ABLIM1: variants seen among roughly 807,000 people sequenced by gnomAD.
ABLIM1 encodes the protein actin binding LIM protein 1.
Under a neutral mutation model 107.0 loss-of-function variants are expected in ABLIM1, and 40 were observed. The ratio of observed to expected loss-of-function variants is 0.37; its 90% CI spans 0.29 to 0.49. ABLIM1 has a LOEUF of 0.49. Among genes scored for constraint, ABLIM1 ranks in the 20% least tolerant of loss-of-function variants. The pLI is 0.97. For synonymous variants in ABLIM1, 357 were observed against 357.3 expected, an observed-to-expected ratio of 1.00 and a Z score of 0.01; for missense variants, 857 against 1,008.5, an observed-to-expected ratio of 0.85 and a Z score of 2.04.
Position 114,463,110 on chromosome 10 carries a change from C to A in ABLIM1, c.1441+2588G>T, listed in dbSNP as rs574961882. On this transcript the variant is annotated intron_variant, in intron 12 of 22. Coordinates refer to ENST00000533213, the MANE Select transcript of ABLIM1 (RefSeq NM_002313.7). ...GGGGCGGGAGTCGCTGTGGGTGGGG[C>A]TGAGGCTGCTGGTGCGCAGGTACGA... 131 of 1,326,040 alleles carry A rather than the reference C, an allele frequency of 9.9e-5. 1 individual carries two copies. In the Admixed American group the frequency reaches 1.2e-3, roughly 12 times the overall value. The allele number at this position is 1,326,040 out of a possible 1,614,324, so 82.1% of individuals were successfully genotyped here.
At chr10:114,542,499 GAAGA>G (rs2066811061) in intron 6 of ABLIM1, among the ~76,000 whole-genome samples, 1 of 151,236 alleles carries the variant, frequency 6.6e-6, no homozygotes, top group African/African-American at 2.4e-5. Flanking sequence ...AAAGAAGAAG[GAAGA>G]AAGAAGAAAT....
At chr10:114,677,834 A>T (rs1209916042) in intron 1 of ABLIM1, among the ~76,000 whole-genome samples, 1 of 152,234 alleles carries the variant, frequency 6.6e-6, no homozygotes, top group Non-Finnish European at 1.5e-5. Flanking sequence ...AGCTGACTGT[A>T]ATTGAGTAAA....
intron 6 of ABLIM1, among the ~76,000 whole-genome samples, chr10:114,528,484 C>T (rs1040426021): frequency 5.9e-5 from 9 of 152,186 alleles, no homozygotes; most frequent in Admixed American, 5.9e-4. Flanking sequence ...TTGGCTTATA[C>T]ATCATAATAA....
Position 114,487,990 on chromosome 10 carries a change from T to C in ABLIM1, c.1009A>G (p.Lys337Glu). Residue 337 changes from lysine to glutamate, a missense_variant, in exon 8 of 23, where the codon AAG (lysine) becomes GAG (glutamate). Lys to Glu is a moderately conservative substitution (Grantham distance 56, BLOSUM62 1). Coordinates refer to ENST00000533213, the MANE Select transcript of ABLIM1 (RefSeq NM_002313.7). The part of the protein sequence containing the change: ...QGSTVWHPDC[K>E]QSTKTEEKLR... ...TTTTCCTCGGTCTTCGTAGATTGCT[T>C]ACAGTCGGGATGCCAAACGGTGGAG... 6.2e-7 allele frequency: 1 copy of C among 1,614,172 alleles called. No homozygotes were observed. Among genetic ancestry groups the C allele is most frequent in the Non-Finnish European group, 8.5e-7 (1 of 1,180,018 alleles).
intron 1 of ABLIM1, among the ~76,000 whole-genome samples, chr10:114,698,170 C>A (rs1188179124): frequency 6.6e-6 from 1 of 151,524 alleles, no homozygotes; most frequent in Admixed American, 6.6e-5. Context: ...ATTTAAGCAA[C>A]AGAAGAAAAG....
intron 1 of ABLIM1, among the ~76,000 whole-genome samples, chr10:114,746,077 T>C (rs555967784): frequency 2.0e-5 from 3 of 152,326 alleles, no homozygotes; most frequent in African/African-American, 7.2e-5. Flanking sequence ...TTAACATATA[T>C]ATCACCTCAA....
At chr10:114,632,673 C>A (rs2078264115) in intron 1 of ABLIM1, 1 of 985,260 alleles carries the variant, frequency 1.0e-6, no homozygotes, top group Non-Finnish European at 1.2e-6. Flanking sequence ...ATTCCTTATC[C>A]AGGATCCAAT....
intron 1 of ABLIM1, among the ~76,000 whole-genome samples, chr10:114,732,417 T>C (rs1231465041): frequency 6.6e-6 from 1 of 152,116 alleles, no homozygotes; most frequent in Non-Finnish European, 1.5e-5. Context: ...AATTAGGTTA[T>C]CTGTGGGTTT....
intron 1 of ABLIM1, among the ~76,000 whole-genome samples, chr10:114,617,544 A>T (rs142158882): frequency 2.0e-4 from 31 of 152,190 alleles, no homozygotes; most frequent in African/African-American, 7.2e-4. Context: ...CTGGGATTAC[A>T]GGCATGAGCC....
chr10:114,441,937 A>G, intron 17 of ABLIM1, 151 bp from the exon 18 acceptor site: 3 of 688,820 alleles, frequency 4.4e-6, no homozygotes, highest in Non-Finnish European at 7.5e-6. Context: ...ATGCCATCAT[A>G]TTTGCAAGGA....
intron 14 of ABLIM1, among the ~76,000 whole-genome samples, chr10:114,449,723 T>C (rs2061556263): frequency 6.6e-6 from 1 of 152,204 alleles, no homozygotes. Context: ...ATATAAGAAG[T>C]TCTCAGAAGT....
chr10:114,565,903 T>A (rs911902686), intron 4 of ABLIM1, among the ~76,000 whole-genome samples: 5 of 140,040 alleles, frequency 3.6e-5, no homozygotes, highest in Non-Finnish European at 7.6e-5. Context: ...CACACCATCC[T>A]CCTGCCTCAG....
rs563448522 is a variant in ABLIM1 at position 114,622,318 on chromosome 10, C to A, written c.245-20357G>T. 2.1e-4 allele frequency among the ~76,000 whole-genome samples: 32 copies of A among 148,940 alleles called. No homozygotes were observed. In the East Asian group the frequency reaches 5.4e-3, roughly 25 times the overall value. On this transcript the variant is annotated intron_variant, in intron 1 of 22. Coordinates refer to ENST00000533213, the MANE Select transcript of ABLIM1 (RefSeq NM_002313.7). ...CTGGAGTGCAATGGCACGTTCATGGCTCATCGCATCCTCGACCTCCAGGCT... is the reference window on the plus strand; with the variant it reads ...CTGGAGTGCAATGGCACGTTCATGGATCATCGCATCCTCGACCTCCAGGCT...
At chr10:114,741,032 C>CAA (rs1184076703) in intron 1 of ABLIM1, among the ~76,000 whole-genome samples, 1 of 131,094 alleles carries the variant, frequency 7.6e-6, no homozygotes, top group Non-Finnish European at 1.6e-5. Context: ...GATCCTGTCT[C>CAA]AAAAAAAAAA....
At chr10:114,436,540 TG>T (rs1219888081) in intron 22 of ABLIM1, among the ~76,000 whole-genome samples, 167 bp from the exon 23 acceptor site, 1 of 152,128 alleles carries the variant, frequency 6.6e-6, no homozygotes, top group African/African-American at 2.4e-5. Context: ...CTTACCTGGT[TG>T]GGCCAGGTGA....
At chr10:114,549,141 T>A (rs1209144030) in intron 4 of ABLIM1, among the ~76,000 whole-genome samples, 2 of 152,176 alleles carry the variant, frequency 1.3e-5, no homozygotes, top group African/African-American at 2.4e-5. Flanking sequence ...TCCCAGAACT[T>A]TGGGAGGCCG....
chr10:114,712,347 C>T (rs542300978), intron 1 of ABLIM1, among the ~76,000 whole-genome samples: 1 of 117,558 alleles, frequency 8.5e-6, no homozygotes, highest in African/African-American at 3.6e-5. Context: ...AGCGAGACTC[C>T]GTCTCGAAAA....
At chr10:114,524,843 C>A (rs2064390768) in intron 6 of ABLIM1, among the ~76,000 whole-genome samples, 1 of 152,210 alleles carries the variant, frequency 6.6e-6, no homozygotes, top group South Asian at 2.1e-4. Flanking sequence ...GAATCTGATA[C>A]CCCATTCCCA....
chr10:114,486,453 C>T lies in ABLIM1; in HGVS notation c.1041+1505G>A, dbSNP rs945128002. On this transcript the variant is annotated intron_variant, in intron 8 of 22. Transcript: ENST00000533213. ...CTATGCTGTGAACTTTACATTCTTA[C>T]GATAAAAGTCACAATAAGGATGATC... 4.6e-5 allele frequency among the ~76,000 whole-genome samples: 7 copies of T among 152,252 alleles called. No homozygotes were observed. The East Asian group carries it at 5.8e-4, about 13-fold the overall frequency.
Sources: allele counts gnomAD v4.1 joint callset (sites outside exome capture counted in the v4.1 genomes callset), GRCh38; gene constraint gnomAD v4.1.1; transcripts MANE v1.5; gene names NCBI Gene and HGNC (gene_info 2026-07-23, HGNC 2026-07-21).